Variants in TOP1 observed in about 807,000 individuals in gnomAD.
The protein encoded by TOP1 is DNA topoisomerase I.
A neutral mutation model predicts 111.1 loss-of-function variants in TOP1; 10 were observed. That is an observed-to-expected ratio of 0.09 (90% CI 0.06 to 0.15). TOP1 has a LOEUF of 0.15. Among genes scored for constraint, TOP1 ranks in the 10% least tolerant of loss-of-function variants. The pLI, the probability that TOP1 is intolerant of heterozygous loss-of-function variation, is 1.00. For missense variants in TOP1, 474 were observed against 926.7 expected (o/e 0.51, Z 6.34); for synonymous variants, 271 against 302.9 (o/e 0.89, Z 1.10).
At chr20:41,090,697 G>GT (rs1219847983) in intron 8 of TOP1, among the ~76,000 whole-genome samples, 2 of 150,420 alleles carry the variant, frequency 1.3e-5, no homozygotes, top group Non-Finnish European at 3.0e-5. Flanking sequence ...GAGACGGGGG[G>GT]GTCTCGCCAT....
At chr20:41,050,288 G>C (rs528849243) in intron 2 of TOP1, among the ~76,000 whole-genome samples, 14 of 152,318 alleles carry the variant, frequency 9.2e-5, no homozygotes, top group Admixed American at 2.6e-4. Context: ...AAAGTGCTGG[G>C]ATTACAGGCA....
At chr20:41,072,700 T>G in intron 3 of TOP1, 2 of 985,350 alleles carry the variant, frequency 2.0e-6, no homozygotes, top group Non-Finnish European at 2.4e-6. Context: ...TGCTCTCCAT[T>G]TGTGGAGGCA....
At chr20:41,059,033 T>C (rs761351042) in intron 2 of TOP1, among the ~76,000 whole-genome samples, 8 of 152,074 alleles carry the variant, frequency 5.3e-5, no homozygotes, top group Non-Finnish European at 1.2e-4. Flanking sequence ...TGGATGGAAC[T>C]AGAGGCCATT....
chr20:41,087,380 T>A (rs2033861651), intron 8 of TOP1, among the ~76,000 whole-genome samples: 1 of 152,276 alleles, frequency 6.6e-6, no homozygotes, highest in Non-Finnish European at 1.5e-5. Context: ...GTGTCAGGGC[T>A]GACCTGGGAA....
At position 41,115,000 on chromosome 20, in the gene TOP1, A is replaced by G. The variant is rs990415703; in HGVS notation, c.1639-371A>G. Among the ~76,000 whole-genome samples the G allele has an allele frequency of 1.3e-5, 2 of 152,212 alleles. No individual in the cohort carries two copies. The highest frequency in any genetic ancestry group is 2.9e-5 in the Non-Finnish European group (2 of 68,032). ...ACTGTGTAAATGTAAGGGAATATCT[A>G]TTTTTAGAACATACACACTGAAATG... On this transcript the variant is annotated intron_variant, in intron 15 of 20. Transcript: ENST00000361337. The surrounding 1 kb of genome is among the most constrained non-coding windows in gnomAD (Gnocchi z 4.5).
At chr20:41,038,373 G>A (rs907798387) in intron 2 of TOP1, among the ~76,000 whole-genome samples, 1 of 152,150 alleles carries the variant, frequency 6.6e-6, no homozygotes, top group African/African-American at 2.4e-5. Flanking sequence ...GTGAAGCTTA[G>A]AACAGAATTT....
At chr20:41,038,173 C>G (rs528691417) in intron 2 of TOP1, among the ~76,000 whole-genome samples, 9 of 152,152 alleles carry the variant, frequency 5.9e-5, no homozygotes, top group South Asian at 2.1e-4. Flanking sequence ...CTCCAACCCC[C>G]TCTACATCCC....
chr20:41,049,071 G>C (rs1164458084), intron 2 of TOP1, among the ~76,000 whole-genome samples: 1 of 152,194 alleles, frequency 6.6e-6, no homozygotes, highest in Admixed American at 6.5e-5. Context: ...AACATTCTCT[G>C]ATCATTTAAC....
chr20:41,029,503 G>A lies in TOP1; in HGVS notation c.58+48G>A, dbSNP rs1251685565. 2 of 1,484,160 alleles carry A rather than the reference G, an allele frequency of 1.3e-6. No individual in the cohort carries two copies. Among genetic ancestry groups the A allele is most frequent in the Admixed American group, 2.0e-5 (1 of 49,856 alleles). The allele number at this position is 1,484,160 out of a possible 1,614,324, so 91.9% of individuals were successfully genotyped here. A position where few individuals can be genotyped will look rare whatever the true frequency, so the allele number is the denominator to read the frequency against. ...CTCCGGGGCCCCCCAGCCGCCGGCC[G>A]CCTCCCCCGCGCCCTGCCGGTGCCG... is the stretch of plus-strand genomic sequence containing the variant. On this transcript the variant is annotated intron_variant, in intron 2 of 20. Coordinates refer to ENST00000361337, the MANE Select transcript of TOP1 (RefSeq NM_003286.4). This position sits in a 1 kb window ranked among gnomAD's most constrained non-coding sequence, Gnocchi z 6.1.
At chr20:41,033,561 GT>G (rs1176319843) in intron 2 of TOP1, among the ~76,000 whole-genome samples, 1 of 152,026 alleles carries the variant, frequency 6.6e-6, no homozygotes, top group Non-Finnish European at 1.5e-5. Flanking sequence ...GCAAAAAAAT[GT>G]TTGCCTTCTA....
intron 13 of TOP1, among the ~76,000 whole-genome samples, chr20:41,108,236 G>A (rs2034178756): frequency 6.6e-6 from 1 of 152,080 alleles, no homozygotes; most frequent in Non-Finnish European, 1.5e-5. Flanking sequence ...GTTTACTCTT[G>A]TGTCTATATT....
intron 3 of TOP1, among the ~76,000 whole-genome samples, chr20:41,068,853 T>C (rs1009477683): frequency 6.6e-6 from 1 of 152,200 alleles, no homozygotes; most frequent in African/African-American, 2.4e-5. Context: ...AACAGAATAT[T>C]ATTAAAAGCA....
chr20:41,049,791 CAGA>C (rs2033380479), intron 2 of TOP1, among the ~76,000 whole-genome samples: 1 of 152,166 alleles, frequency 6.6e-6, no homozygotes, highest in Non-Finnish European at 1.5e-5. Context: ...TCCTTAAGGA[CAGA>C]AGAACTATTT....
At position 41,115,418 on chromosome 20, in the gene TOP1, T is replaced by C; in HGVS notation, c.1686T>C (p.Asp562=). The C allele has an allele frequency of 6.2e-7, 1 of 1,613,336 alleles. No individual in the cohort carries two copies. ...QLFMENKQPE[D]DLFDRLNTGI... ...TTATGGAGAACAAGCAGCCCGAGGA[T>C]GATCTTTTTGATAGACTCAATGTGA... The change falls in exon 16 of 21, where the codon GAT becomes GAC. Residue 562 remains aspartate (D), a synonymous_variant. Transcript: ENST00000361337. The surrounding 1 kb of genome is among the most constrained non-coding windows in gnomAD (Gnocchi z 6.3).
In TOP1 at chr20:41,115,530, T is replaced by C; in HGVS notation, c.1707+91T>C. 3.1e-6 allele frequency: 3 copies of C among 978,136 alleles called. No homozygotes were observed. The highest frequency in any genetic ancestry group is 3.3e-6 in the Non-Finnish European group (2 of 612,002). 60.6% of individuals were successfully genotyped at this position (978,136 alleles called of 1,614,324 possible). On this transcript the variant is annotated intron_variant, in intron 16 of 20. Transcript: ENST00000361337. This position sits in a 1 kb window ranked among gnomAD's most constrained non-coding sequence, Gnocchi z 6.3. ...AGGGTTGCTGGCAGATGACTTGGGCTCTCCCTTTAGCCTGGCCTGCTCTGT... is the reference window on the plus strand; with the variant it reads ...AGGGTTGCTGGCAGATGACTTGGGCCCTCCCTTTAGCCTGGCCTGCTCTGT...
At chr20:41,108,645 C>T (rs952618537) in intron 13 of TOP1, among the ~76,000 whole-genome samples, 1 of 152,196 alleles carries the variant, frequency 6.6e-6, no homozygotes, top group African/African-American at 2.4e-5. Context: ...ATTTTGATTA[C>T]ACAGACATCT....
chr20:41,093,181 C>G (rs954255014), intron 9 of TOP1, among the ~76,000 whole-genome samples: 59 of 152,176 alleles, frequency 3.9e-4, no homozygotes, highest in African/African-American at 1.4e-3. Context: ...TGTCCCTTAT[C>G]TGTCGTTGGT....
At chr20:41,049,345 G>T (rs1019820356) in intron 2 of TOP1, among the ~76,000 whole-genome samples, 1 of 152,206 alleles carries the variant, frequency 6.6e-6, no homozygotes, top group Non-Finnish European at 1.5e-5. Context: ...GGGTCTTTGA[G>T]CAACTCTGAG....
chr20:41,094,204 A>G lies in TOP1; in HGVS notation c.730+1617A>G, dbSNP rs2033954986. 1.3e-5 allele frequency among the ~76,000 whole-genome samples: 2 copies of G among 152,140 alleles called. No homozygotes were observed. Among genetic ancestry groups the G allele is most frequent in the Admixed American group, 1.3e-4 (2 of 15,276 alleles). Reference sequence around the variant, plus strand: ...CAGGACTCCATAATCTCAGAGGCAAATGCTTATGTTATGTAAACATTTTGA... The same window carrying G: ...CAGGACTCCATAATCTCAGAGGCAAGTGCTTATGTTATGTAAACATTTTGA... On this transcript the variant is annotated intron_variant, in intron 9 of 20. Transcript: ENST00000361337. This position sits in a 1 kb window ranked among gnomAD's most constrained non-coding sequence, Gnocchi z 4.4.
Sources: gnomAD v4.1 joint callset for allele counts (sites outside exome capture counted in the v4.1 genomes callset) on GRCh38, gnomAD v4.1.1 for gene constraint, Gnocchi (gnomAD v3.1) non-coding constraint, MANE v1.5 for transcripts, NCBI Gene and HGNC (gene_info 2026-07-23, HGNC 2026-07-21) for gene names.